Variants in COL9A1 observed in about 807,000 individuals in gnomAD.
The protein encoded by COL9A1 is collagen alpha-1(IX) chain.
Under a neutral mutation model 142.6 loss-of-function variants are expected in COL9A1, and 104 were observed. The ratio of observed to expected loss-of-function variants is 0.73; its 90% CI spans 0.62 to 0.86. COL9A1 has a LOEUF of 0.86. Among genes scored for constraint, COL9A1 ranks in the 40% least tolerant of loss-of-function variants. The probability of loss-of-function intolerance (pLI) is 0.00; values close to 1 mark genes in which losing one functional copy is unlikely to be tolerated. For synonymous variants in COL9A1, 466 were observed against 396.0 expected (o/e 1.18, Z -2.10); for missense variants, 1,210 against 1,176.6 (o/e 1.03, Z -0.42).
At position 70,242,029 on chromosome 6, in the gene COL9A1, G is replaced by A. The variant is rs1474095134; in HGVS notation, c.1933C>T (p.Leu645=). 6.3e-7 allele frequency: 1 copy of A among 1,592,326 alleles called. No individual in the cohort carries two copies. The highest frequency in any genetic ancestry group is 1.1e-5 in the South Asian group (1 of 87,644). Residue 645 remains leucine (L), a synonymous_variant, in exon 30 of 38, where the codon CTG becomes TTG. Coordinates refer to ENST00000357250, the MANE Select transcript of COL9A1 (RefSeq NM_001851.6). The part of the protein sequence containing the change: ...SPGLPGKLGS[L]GSPGLPGLPG... ...AAGCCAGGGAGGCCAGGGCTACCCA[G>A]AGAACCCTGGAAAGCAAAAACAAAG...
intron 20 of COL9A1, 71 bp downstream of exon 20, chr6:70,260,586 T>C: frequency 7.5e-7 from 1 of 1,337,948 alleles, no homozygotes; most frequent in African/African-American, 1.5e-5. Flanking sequence ...GATAAAAAGT[T>C]ATGTTTAAAC....
chr6:70,286,817 C>T (rs113918599), intron 5 of COL9A1, among the ~76,000 whole-genome samples: 166 of 152,258 alleles, frequency 1.1e-3, no homozygotes, highest in African/African-American at 3.2e-3. Context: ...TCATATTTAA[C>T]GCAATACTGT....
At chr6:70,283,851 GTT>G in intron 5 of COL9A1, 31 bp from the exon 6 acceptor site, 1 of 1,529,156 alleles carries the variant, frequency 6.5e-7, no homozygotes. Context: ...GTCAGGTAAG[GTT>G]TTTTGGACGA....
Position 70,260,532 on chromosome 6 carries a change from G to A in COL9A1, c.1449+125C>T, listed in dbSNP as rs930779627. ...CATTGCACTCCAGCCTGGGCAACAA[G>A]AGTGAAACTCCATCTCAAAAAAAAA... On this transcript the variant is annotated intron_variant, in intron 20 of 37. Coordinates refer to ENST00000357250, the MANE Select transcript of COL9A1 (RefSeq NM_001851.6). 7.7e-6 allele frequency: 6 copies of A among 775,170 alleles called. No individual in the cohort carries two copies. In the African/African-American group the frequency reaches 9.6e-5, roughly 12 times the overall value. 48.0% of individuals were successfully genotyped at this position (775,170 alleles called of 1,614,324 possible).
At chr6:70,239,191 T>C in intron 33 of COL9A1, 63 bp downstream of exon 33, 2 of 1,020,074 alleles carry the variant, frequency 2.0e-6, no homozygotes, top group East Asian at 2.4e-5. Flanking sequence ...CAGAATATTA[T>C]ATATTCTACA....
At chr6:70,241,590 C>T in intron 30 of COL9A1, 136 bp from the exon 31 acceptor site, 1 of 748,958 alleles carries the variant, frequency 1.3e-6, no homozygotes, top group Non-Finnish European at 2.3e-6. Flanking sequence ...CCTCACCACC[C>T]AACAAGAATC....
intron 36 of COL9A1, among the ~76,000 whole-genome samples, chr6:70,227,056 T>C (rs916271086): frequency 1.3e-5 from 2 of 152,036 alleles, no homozygotes; most frequent in Admixed American, 6.6e-5. Flanking sequence ...GAAGGTGGTG[T>C]CTTAAAGTGG....
chr6:70,282,281 A>C (rs980202624), intron 7 of COL9A1, among the ~76,000 whole-genome samples: 14 of 152,244 alleles, frequency 9.2e-5, no homozygotes, highest in Non-Finnish European at 1.5e-5. Flanking sequence ...TCCAACGACC[A>C]AACAGGTTAC....
In COL9A1 at chr6:70,252,167, G is replaced by A; in HGVS notation, c.1825C>T (p.Gln609Ter). Residue 609 changes from glutamine (Q) to a stop codon, truncating the protein, a stop_gained, in exon 28 of 38, where the codon CAG becomes TAG. Coordinates refer to ENST00000357250, the MANE Select transcript of COL9A1 (RefSeq NM_001851.6). LOFTEE classifies it high-confidence loss of function. ...QMGNSGKPGQ[Q>*]GPPGEVGPRG... Reference sequence around the variant, plus strand: ...GGTCCCACCTCTCCTGGAGGCCCCTGTTGGCCCTGTTATCAGGAAGGAAGG... The same window carrying A: ...GGTCCCACCTCTCCTGGAGGCCCCTATTGGCCCTGTTATCAGGAAGGAAGG... The A allele has an allele frequency of 1.2e-6, 2 of 1,614,154 alleles. No homozygotes were observed. The highest frequency in any genetic ancestry group is 1.7e-6 in the Non-Finnish European group (2 of 1,180,002).
intron 28 of COL9A1, chr6:70,246,098 G>T (rs530589695): frequency 6.6e-6 from 1 of 152,278 alleles, no homozygotes; most frequent in South Asian, 2.1e-4. Context: ...TAGGCGCAGG[G>T]GCTCATGCCT....
chr6:70,254,172 T>C (rs1771122483), intron 25 of COL9A1, among the ~76,000 whole-genome samples: 1 of 152,046 alleles, frequency 6.6e-6, no homozygotes, highest in Admixed American at 6.5e-5. Context: ...TGGAATGAAA[T>C]ATATCACACT....
chr6:70,301,828 G>T (rs1361010342), intron 2 of COL9A1, among the ~76,000 whole-genome samples, 173 bp downstream of exon 2: 1 of 152,166 alleles, frequency 6.6e-6, no homozygotes, highest in East Asian at 1.9e-4. Flanking sequence ...TCCATACCCA[G>T]CATTGACCAT....
intron 37 of COL9A1, among the ~76,000 whole-genome samples, chr6:70,224,961 A>T (rs899762515): frequency 2.0e-5 from 3 of 152,268 alleles, no homozygotes; most frequent in African/African-American, 7.2e-5. Flanking sequence ...ATTGGAAAGC[A>T]ATGATGTTTT....
chr6:70,223,702 C>T (rs1381775007), intron 37 of COL9A1, among the ~76,000 whole-genome samples: 1 of 152,262 alleles, frequency 6.6e-6, no homozygotes, highest in South Asian at 2.1e-4. Context: ...AAACGATCCA[C>T]CAGCAGACCC....
Position 70,256,830 on chromosome 6 carries a change from A to C in COL9A1, c.1450-9T>G, listed in dbSNP as rs373930384. 1 of 1,613,792 alleles carries C rather than the reference A, an allele frequency of 6.2e-7. No individual in the cohort carries two copies. The highest frequency in any genetic ancestry group is 1.7e-5 in the Admixed American group (1 of 59,996). On this transcript the variant is annotated splice_polypyrimidine_tract_variant and intron_variant, in intron 20 of 37. Coordinates refer to ENST00000357250, the MANE Select transcript of COL9A1 (RefSeq NM_001851.6). Reference sequence around the variant, plus strand: ...TCTAAGCCCCGAGCACCCTGCAAAAAAACAAGACAATGGAAAAAAACTGAG... The same window carrying C: ...TCTAAGCCCCGAGCACCCTGCAAAACAACAAGACAATGGAAAAAAACTGAG...
At chr6:70,276,235 G>C (rs58087804) in intron 10 of COL9A1, among the ~76,000 whole-genome samples, 68 of 152,162 alleles carry the variant, frequency 4.5e-4, no homozygotes, top group African/African-American at 1.6e-3. Context: ...TGTTTGCTTT[G>C]GCATTTCACA....
intron 28 of COL9A1, among the ~76,000 whole-genome samples, chr6:70,245,281 CA>C: frequency 6.6e-6 from 1 of 152,260 alleles, no homozygotes; most frequent in African/African-American, 2.4e-5. Flanking sequence ...CATAAATAAT[CA>C]AGATATAAAC....
At chr6:70,255,089 G>A in intron 23 of COL9A1, 61 bp downstream of exon 23, 6 of 1,612,160 alleles carry the variant, frequency 3.7e-6, no homozygotes, top group Non-Finnish European at 5.1e-6. Context: ...ATTTTCTAAA[G>A]TTTCATTGCA....
intron 25 of COL9A1, 118 bp from the exon 26 acceptor site, chr6:70,253,547 T>C: frequency 1.3e-6 from 1 of 746,622 alleles, no homozygotes; most frequent in South Asian, 1.7e-5. Context: ...AAAGCTTTAA[T>C]GTAAGGAAGA....
Sources: gnomAD v4.1 joint callset for allele counts (sites outside exome capture counted in the v4.1 genomes callset) on GRCh38, gnomAD v4.1.1 for gene constraint, MANE v1.5 for transcripts, NCBI Gene and HGNC (gene_info 2026-07-23, HGNC 2026-07-21) for gene names.